NRDC: variants seen among roughly 807,000 people sequenced by gnomAD.
NRDC encodes nardilysin.
NRDC carries 54 observed loss-of-function variants against 147.1 expected under a neutral mutation model. The observed-to-expected ratio is 0.37, with a 90% confidence interval of 0.29 to 0.46. The LOEUF (loss-of-function observed/expected upper bound fraction) is 0.46. NRDC is among the 20% of genes least tolerant of loss of function. NRDC has a pLI of 1.00. For synonymous variants in NRDC, 440 were observed against 482.1 expected (o/e 0.91, Z 1.14); for missense variants, 1,082 against 1,370.6 (o/e 0.79, Z 3.33).
At chr1:51,871,453 T>C (rs1040073717) in intron 1 of NRDC, among the ~76,000 whole-genome samples, 1 of 145,544 alleles carries the variant, frequency 6.9e-6, no homozygotes, top group African/African-American at 2.5e-5. Context: ...CTAGTACTGC[T>C]TGACCTCTCA....
intron 7 of NRDC, among the ~76,000 whole-genome samples, chr1:51,822,794 C>T (rs1680265734): frequency 6.6e-6 from 1 of 152,154 alleles, no homozygotes; most frequent in South Asian, 2.1e-4. Context: ...ATCTACCATA[C>T]CACGAAACTT....
intron 29 of NRDC, among the ~76,000 whole-genome samples, chr1:51,790,203 A>G (rs1376230256): frequency 3.3e-5 from 5 of 152,040 alleles, no homozygotes; most frequent in African/African-American, 1.2e-4. Flanking sequence ...GGAATAATGA[A>G]CTCCGTAAAG....
intron 1 of NRDC, among the ~76,000 whole-genome samples, chr1:51,869,016 T>C (rs948390608): frequency 6.6e-6 from 1 of 152,178 alleles, no homozygotes; most frequent in Non-Finnish European, 1.5e-5. Flanking sequence ...CATGGCTCAC[T>C]ACAACCTCAA....
intron 1 of NRDC, among the ~76,000 whole-genome samples, chr1:51,846,640 C>T (rs371729861): frequency 2.0e-5 from 3 of 152,200 alleles, no homozygotes; most frequent in Admixed American, 6.5e-5. Context: ...AGCTGCAGAC[C>T]TTCAGGGTGA....
At chr1:51,859,434 T>C (rs1432853836) in intron 1 of NRDC, among the ~76,000 whole-genome samples, 2 of 152,256 alleles carry the variant, frequency 1.3e-5, no homozygotes, top group Non-Finnish European at 2.9e-5. Context: ...CAGTGAGGCA[T>C]GAGGACACAT....
chr1:51,875,867 T>TA (rs907011437), intron 1 of NRDC, among the ~76,000 whole-genome samples: 3 of 152,044 alleles, frequency 2.0e-5, no homozygotes, highest in African/African-American at 4.8e-5. Context: ...TTTTTTTTTT[T>TA]ATGTGTCTGT....
Position 51,836,371 on chromosome 1 carries a change from G to A in NRDC, c.631-159C>T, listed in dbSNP as rs538839400. ...AGGAGCAGCAAAGTGAAACTCACCA[G>A]AACTGTGTCAGTTTCACCCTGCTGC... On this transcript the variant is annotated intron_variant, in intron 2 of 30. Transcript: ENST00000352171. The A allele has an allele frequency of 3.7e-5, 60 of 1,613,218 alleles. No homozygotes were observed. In the Middle Eastern group the frequency reaches 1.2e-3, roughly 31 times the overall value.
chr1:51,806,918 T>C lies in NRDC; in HGVS notation c.1991-5A>G, dbSNP rs780611956. 9 of 1,611,480 alleles carry C rather than the reference T, an allele frequency of 5.6e-6. No homozygotes were observed. Among genetic ancestry groups the C allele is most frequent in the Admixed American group, 5.1e-5 (3 of 59,312 alleles). On this transcript the variant is annotated splice_polypyrimidine_tract_variant and splice_region_variant and intron_variant, in intron 17 of 30. Transcript: ENST00000352171. ...CCTTCAACGTAAAGTCCGTGGCTAA[T>C]AAAAGAAGATAATAATAATTCACTC...
intron 1 of NRDC, among the ~76,000 whole-genome samples, chr1:51,858,724 G>C (rs1054498026): frequency 2.0e-5 from 3 of 152,054 alleles, no homozygotes; most frequent in African/African-American, 7.2e-5. Flanking sequence ...CATCTACCCT[G>C]AACTCAGTAA....
chr1:51,815,236 C>T (rs1303132518), intron 11 of NRDC, among the ~76,000 whole-genome samples: 6 of 140,370 alleles, frequency 4.3e-5, no homozygotes, highest in African/African-American at 8.3e-5. Flanking sequence ...GTTGCCCAGT[C>T]TGGTCTCGAA....
intron 22 of NRDC, among the ~76,000 whole-genome samples, chr1:51,796,097 T>C (rs1392341188): frequency 6.6e-6 from 1 of 151,960 alleles, no homozygotes; most frequent in Non-Finnish European, 1.5e-5. Context: ...CCCAGGCTGG[T>C]CTCAAACTAC....
At chr1:51,869,179 A>G (rs1010147759) in intron 1 of NRDC, among the ~76,000 whole-genome samples, 11 of 151,902 alleles carry the variant, frequency 7.2e-5, no homozygotes, top group Admixed American at 6.6e-4. Context: ...CAAACTCATG[A>G]TCTCCAGCGA....
chr1:51,849,435 A>G (rs1242932051), intron 1 of NRDC, among the ~76,000 whole-genome samples: 1 of 151,960 alleles, frequency 6.6e-6, no homozygotes. Context: ...AACAAAACAA[A>G]AAAAACCCAA....
chr1:51,797,739 A>C (rs1404127337), intron 22 of NRDC, among the ~76,000 whole-genome samples: 1 of 152,124 alleles, frequency 6.6e-6, no homozygotes, highest in Non-Finnish European at 1.5e-5. Flanking sequence ...ATCCTAGTCT[A>C]TTACCAGCAA....
chr1:51,848,275 A>G (rs1241988495), intron 1 of NRDC, among the ~76,000 whole-genome samples: 1 of 152,194 alleles, frequency 6.6e-6, no homozygotes, highest in Non-Finnish European at 1.5e-5. Context: ...GAATATCAAG[A>G]CCATCCTGGC....
At chr1:51,830,003 C>T (rs1680635012) in intron 4 of NRDC, among the ~76,000 whole-genome samples, 1 of 132,420 alleles carries the variant, frequency 7.6e-6, no homozygotes, top group Non-Finnish European at 1.5e-5. Flanking sequence ...CTCGCTCTGT[C>T]ACCCAGGCTA....
intron 6 of NRDC, among the ~76,000 whole-genome samples, chr1:51,825,060 TAAAAAGCATTCACA>T (rs1206357285): frequency 6.6e-6 from 1 of 152,198 alleles, no homozygotes; most frequent in African/African-American, 2.4e-5. Flanking sequence ...ATCTGGCACT[TAAAAAGCATTCACA>T]AAATGTTAGG....
chr1:51,830,808 T>A (rs1680674673), intron 4 of NRDC, among the ~76,000 whole-genome samples: 2 of 152,336 alleles, frequency 1.3e-5, no homozygotes, highest in South Asian at 4.1e-4. Context: ...CTTACTTAAC[T>A]GGAGTAAAAA....
Position 51,834,071 on chromosome 1 carries a change from C to A in NRDC, c.812G>T (p.Arg271Leu), listed in dbSNP as rs376648862. The change falls in exon 4 of 31, where the codon CGC becomes CTC. Residue 271 changes from arginine (R) to leucine (L), a missense_variant. By Grantham distance (102) the Arg-to-Leu change is moderately radical. Around this residue, in one of 3 missense-constraint regions of NRDC, gnomAD observed 635 missense variants for 923.8 expected, o/e 0.69. Transcript: ENST00000352171. ...GSDNASTDCERTVFQFDVQRK... is the reference protein window; with the variant it reads ...GSDNASTDCELTVFQFDVQRK... Reference sequence around the variant, plus strand: ...CTGGACATCAAACTGAAAGACAGTGCGTTCACAATCAGTTGAGGCATTATC... The same window carrying A: ...CTGGACATCAAACTGAAAGACAGTGAGTTCACAATCAGTTGAGGCATTATC... 4 of 1,613,876 alleles carry A rather than the reference C, an allele frequency of 2.5e-6. No individual in the cohort carries two copies. Among genetic ancestry groups the A allele is most frequent in the Non-Finnish European group, 2.5e-6 (3 of 1,179,958 alleles).
Sources: gnomAD v4.1 joint callset for allele counts (sites outside exome capture counted in the v4.1 genomes callset) on GRCh38, gnomAD v4.1.1 for gene constraint, gnomAD v4.1.1 regional missense constraint, MANE v1.5 for transcripts, NCBI Gene and HGNC (gene_info 2026-07-23, HGNC 2026-07-21) for gene names.